FOXK1: variants seen among roughly 807,000 people sequenced by gnomAD.
FOXK1 encodes the protein forkhead box protein K1.
FOXK1 carries 19 observed loss-of-function variants against 51.9 expected under a neutral mutation model. The ratio of observed to expected loss-of-function variants is 0.37; its 90% CI spans 0.26 to 0.54. The LOEUF (loss-of-function observed/expected upper bound fraction) is 0.54, where lower values mean the gene tolerates loss of function less well. FOXK1 is among the 20% of genes least tolerant of loss of function. The pLI, the probability that FOXK1 is intolerant of heterozygous loss-of-function variation, is 0.87. For synonymous variants in FOXK1, 537 were observed against 482.6 expected (o/e 1.11, Z -1.48); for missense variants, 870 against 1,032.7 (o/e 0.84, Z 2.16).
chr7:4,726,079 T>A (rs1037411503), intron 1 of FOXK1, among the ~76,000 whole-genome samples: 2 of 152,108 alleles, frequency 1.3e-5, no homozygotes, highest in Non-Finnish European at 2.9e-5. Flanking sequence ...GGGTTTGCAT[T>A]TGGGGGCTCT....
chr7:4,682,386 C>T lies in FOXK1; in HGVS notation c.78C>T (p.Cys26=). 1 of 981,612 alleles carries T rather than the reference C, an allele frequency of 1.0e-6. No individual in the cohort carries two copies. Among genetic ancestry groups the T allele is most frequent in the Non-Finnish European group, 1.2e-6 (1 of 829,030 alleles). 60.8% of individuals were successfully genotyped at this position (981,612 alleles called of 1,614,324 possible). A position where few individuals can be genotyped will look rare whatever the true frequency, so the allele number is the denominator to read the frequency against. The change falls in exon 1 of 9, where the codon TGC becomes TGT. Residue 26 remains cysteine (C), a synonymous_variant. Coordinates refer to ENST00000328914, the MANE Select transcript of FOXK1 (RefSeq NM_001037165.2). The surrounding 1 kb of genome is among the most constrained non-coding windows in gnomAD (Gnocchi z 7.6). ...CGGCGCCCTGCAGCCCAGTGCTGTG[C>T]GCCGCAGCCGCCGCCGCCGCCTTCC... ...LRSAPCSPVL[C]AAAAAAAFPA...
In FOXK1 at chr7:4,682,764, C is replaced by T. The variant is rs1779768287; in HGVS notation, c.456C>T (p.Ser152=). ...SFISRRHLQL[S]FQEPHFYLRC... ...TCTCGCGGCGCCACCTGCAGCTCAG[C>T]TTCCAGGAGCCGCACTTCTACCTGC... is the stretch of plus-strand genomic sequence containing the variant. Residue 152 remains serine (S), a synonymous_variant, in exon 1 of 9, where the codon AGC becomes AGT. Transcript: ENST00000328914. The surrounding 1 kb of genome is among the most constrained non-coding windows in gnomAD (Gnocchi z 7.6). The T allele has an allele frequency of 6.3e-7, 1 of 1,597,342 alleles. No homozygotes were observed. Among genetic ancestry groups the T allele is most frequent in the Non-Finnish European group, 8.5e-7 (1 of 1,176,904 alleles).
chr7:4,746,179 T>C (rs2115064570), intron 2 of FOXK1, among the ~76,000 whole-genome samples: 1 of 152,314 alleles, frequency 6.6e-6, no homozygotes, highest in Non-Finnish European at 1.5e-5. Flanking sequence ...AGTATGTAAA[T>C]ATACAGTAAA....
At position 4,682,894 on chromosome 7, in the gene FOXK1, C is replaced by T. The variant is rs1214778398; in HGVS notation, c.560+26C>T. 3 of 1,436,472 alleles carry T rather than the reference C, an allele frequency of 2.1e-6. No individual in the cohort carries two copies. In the Admixed American group the frequency reaches 7.1e-5, roughly 34 times the overall value. The allele number at this position is 1,436,472 out of a possible 1,614,324, so 89.0% of individuals were successfully genotyped here. On this transcript the variant is annotated intron_variant, in intron 1 of 8. Transcript: ENST00000328914. The surrounding 1 kb of genome is among the most constrained non-coding windows in gnomAD (Gnocchi z 7.6). ...GTGAGTGGCCCCGCGACCCCCGCCG[C>T]CCGCACCCGGGGCTCGCCCACGACC...
intron 1 of FOXK1, among the ~76,000 whole-genome samples, chr7:4,688,688 T>G (rs1417897714): frequency 1.3e-5 from 2 of 152,122 alleles, no homozygotes; most frequent in Non-Finnish European, 2.9e-5. Context: ...CACCCTCTGC[T>G]TTTTTCTCAT....
Position 4,722,317 on chromosome 7 carries a change from C to T in FOXK1, c.561-18521C>T, listed in dbSNP as rs1032845519. Among the ~76,000 whole-genome samples the T allele has an allele frequency of 2.0e-5, 3 of 152,252 alleles. No individual in the cohort carries two copies. The highest frequency in any genetic ancestry group is 7.2e-5 in the African/African-American group (3 of 41,464). On this transcript the variant is annotated intron_variant, in intron 1 of 8. Coordinates refer to ENST00000328914, the MANE Select transcript of FOXK1 (RefSeq NM_001037165.2). This position sits in a 1 kb window ranked among gnomAD's most constrained non-coding sequence, Gnocchi z 5.1. Reference sequence around the variant, plus strand: ...CAAAATCTGTTGTTCTAGAAACTCTCTAAGGTTTTACCCAGATTCCCATTG... The same window carrying T: ...CAAAATCTGTTGTTCTAGAAACTCTTTAAGGTTTTACCCAGATTCCCATTG...
intron 1 of FOXK1, among the ~76,000 whole-genome samples, chr7:4,704,395 G>C (rs183633896): frequency 9.7e-4 from 144 of 148,188 alleles, no homozygotes; most frequent in African/African-American, 3.5e-3. Flanking sequence ...AGATTGTAGT[G>C]AGCTGAGATC....
chr7:4,735,086 AG>A lies in FOXK1; in HGVS notation c.561-5749del, dbSNP rs1008601683. 7.9e-5 allele frequency among the ~76,000 whole-genome samples: 12 copies of A among 152,046 alleles called. No homozygotes were observed. The highest frequency in any genetic ancestry group is 2.9e-4 in the African/African-American group (12 of 41,402). ...GGGCAGGTGGTAGGATTTGTGGCCT[AG>A]GGAGGGGATGGGAATGAAGGCACAT... On this transcript the variant is annotated intron_variant, in intron 1 of 8. Transcript: ENST00000328914. The surrounding 1 kb of genome is among the most constrained non-coding windows in gnomAD (Gnocchi z 4.7).
intron 1 of FOXK1, among the ~76,000 whole-genome samples, chr7:4,691,436 G>A (rs913867182): frequency 5.5e-4 from 83 of 152,276 alleles, no homozygotes; most frequent in African/African-American, 1.9e-3. Flanking sequence ...CTGGGTTCAG[G>A]CGATTCTCCT....
rs1781091681 is a variant in FOXK1, at chr7:4,770,920, G to A, written c.*8456G>A. 1 of 147,258 alleles carries A rather than the reference G, an allele frequency of 6.8e-6. No homozygotes were observed. Among genetic ancestry groups the A allele is most frequent in the Non-Finnish European group, 1.5e-5 (1 of 67,724 alleles). The allele number at this position is 147,258 out of a possible 1,614,324, so 9.1% of individuals were successfully genotyped here. ...GTGTGTGTATTTTTTTTTTTACAGT[G>A]GCGCCTGTCTAAAGTATTTTTCACA... On this transcript the variant is annotated 3_prime_UTR_variant, in exon 9 of 9. Transcript: ENST00000328914.
At chr7:4,717,574 T>C (rs1780252875) in intron 1 of FOXK1, among the ~76,000 whole-genome samples, 1 of 152,038 alleles carries the variant, frequency 6.6e-6, no homozygotes, top group Non-Finnish European at 1.5e-5. Flanking sequence ...GGGAAGCAAG[T>C]GTCTGGGCTG....
At chr7:4,742,669 C>T (rs933353998) in intron 2 of FOXK1, among the ~76,000 whole-genome samples, 8 of 152,266 alleles carry the variant, frequency 5.3e-5, no homozygotes, top group South Asian at 2.1e-4. Flanking sequence ...CTCCCTCCTC[C>T]ACCTCCCAAA....
At position 4,731,758 on chromosome 7, in the gene FOXK1, CAAAA is replaced by C. The variant is rs374959543; in HGVS notation, c.561-9064_561-9061del. Among the ~76,000 whole-genome samples the C allele has an allele frequency of 4.4e-5, 3 of 68,664 alleles. No individual in the cohort carries two copies. The highest frequency in any genetic ancestry group is 3.4e-5 in the Non-Finnish European group (1 of 29,818). 45.0% of individuals were successfully genotyped at this position (68,664 alleles called of 152,430 possible). A position where few individuals can be genotyped will look rare whatever the true frequency, so the allele number is the denominator to read the frequency against. On this transcript the variant is annotated intron_variant, in intron 1 of 8. Transcript: ENST00000328914. The surrounding 1 kb of genome is among the most constrained non-coding windows in gnomAD (Gnocchi z 5.3). ...TGGGCAACAAAGCGAAACTCTGCCT[CAAAA>C]AAAAAAAAAAAAAAAGAAAACAGAG...
chr7:4,688,820 C>T (rs1473771940), intron 1 of FOXK1, among the ~76,000 whole-genome samples: 6 of 152,036 alleles, frequency 3.9e-5, no homozygotes, highest in African/African-American at 1.5e-4. Flanking sequence ...CCCGGGGATT[C>T]CATCAGACTC....
intron 1 of FOXK1, among the ~76,000 whole-genome samples, chr7:4,698,335 G>T (rs975303626): frequency 2.0e-5 from 3 of 150,966 alleles, no homozygotes; most frequent in Non-Finnish European, 4.4e-5. Context: ...TATATATCGT[G>T]CCCTTTTTCT....
intron 1 of FOXK1, among the ~76,000 whole-genome samples, chr7:4,717,893 T>C (rs1780256566): frequency 6.6e-6 from 1 of 152,142 alleles, no homozygotes; most frequent in African/African-American, 2.4e-5. Context: ...GATTGGGTGA[T>C]GGTTTTCTAT....
chr7:4,759,602 C>A lies in FOXK1; in HGVS notation c.1696+7C>A. ...CTGGGCAGCGAGGCCAGAGGTAATGCAGCCGCGGCTGGCAGCCTTCGCAGG... is the reference window on the plus strand; with the variant it reads ...CTGGGCAGCGAGGCCAGAGGTAATGAAGCCGCGGCTGGCAGCCTTCGCAGG... On this transcript the variant is annotated splice_region_variant and intron_variant, in intron 7 of 8. Transcript: ENST00000328914. 1 of 1,532,570 alleles carries A rather than the reference C, an allele frequency of 6.5e-7. No individual in the cohort carries two copies. Among genetic ancestry groups the A allele is most frequent in the Non-Finnish European group, 8.7e-7 (1 of 1,144,368 alleles). The allele number at this position is 1,532,570 out of a possible 1,614,324, so 94.9% of individuals were successfully genotyped here. A position where few individuals can be genotyped will look rare whatever the true frequency, so the allele number is the denominator to read the frequency against.
rs938740133 is a variant in FOXK1 at position 4,723,551 on chromosome 7, C to T, written c.561-17287C>T. ...AGGGCCTGTCCATCCCGTCAGCCCA[C>T]GGTGCCTCTACAAACACAGGTCCCT... On this transcript the variant is annotated intron_variant, in intron 1 of 8. Coordinates refer to ENST00000328914, the MANE Select transcript of FOXK1 (RefSeq NM_001037165.2). The surrounding 1 kb of genome is among the most constrained non-coding windows in gnomAD (Gnocchi z 4.7). 6.6e-6 allele frequency among the ~76,000 whole-genome samples: 1 copy of T among 152,108 alleles called. No individual in the cohort carries two copies. The highest frequency in any genetic ancestry group is 2.4e-5 in the African/African-American group (1 of 41,424).
At chr7:4,701,861 C>T (rs1780024846) in intron 1 of FOXK1, among the ~76,000 whole-genome samples, 1 of 152,218 alleles carries the variant, frequency 6.6e-6, no homozygotes, top group South Asian at 2.1e-4. Flanking sequence ...CCACTGCACT[C>T]CAGCCTGGGC....
Sources: gnomAD v4.1 joint callset for allele counts (sites outside exome capture counted in the v4.1 genomes callset) on GRCh38, gnomAD v4.1.1 for gene constraint, Gnocchi (gnomAD v3.1) non-coding constraint, MANE v1.5 for transcripts, NCBI Gene and HGNC (gene_info 2026-07-23, HGNC 2026-07-21) for gene names.